The following NAALADL2 variants were observed in gnomAD, a reference collection of about 807,000 sequenced individuals.
NAALADL2 encodes N-acetylated alpha-linked acidic dipeptidase like 2.
A neutral mutation model predicts 87.2 loss-of-function variants in NAALADL2; 76 were observed. The observed-to-expected ratio is 0.87, with a 90% CI of 0.72 to 1.05. The LOEUF is 1.05. NAALADL2 is among the 50% of genes least tolerant of loss of function. NAALADL2 has a pLI of 0.00. For missense variants in NAALADL2, 1,089 were observed against 945.8 expected (o/e 1.15, Z -1.99); for synonymous variants, 354 against 331.0 (o/e 1.07, Z -0.75).
At chr3:174,560,346 C>G (rs1213438376) in intron 2 of NAALADL2, among the ~76,000 whole-genome samples, 2 of 152,128 alleles carry the variant, frequency 1.3e-5, no homozygotes, top group Non-Finnish European at 1.5e-5. Flanking sequence ...ACTTAATTCC[C>G]ATTGAACAGA....
At chr3:175,471,516 G>T in intron 8 of NAALADL2, 123 bp from the exon 9 acceptor site, 1 of 606,866 alleles carries the variant, frequency 1.6e-6, no homozygotes, top group Non-Finnish European at 2.8e-6. Flanking sequence ...AAAAAAAGAA[G>T]GTAATTATGC....
At chr3:174,859,701 C>G (rs966685975) in intron 1 of NAALADL2, among the ~76,000 whole-genome samples, 1 of 151,988 alleles carries the variant, frequency 6.6e-6, no homozygotes. Flanking sequence ...TTGGGGGACC[C>G]GTGGAGGGTA....
intron 3 of NAALADL2, among the ~76,000 whole-genome samples, chr3:175,253,903 G>A (rs1749489558): frequency 1.3e-5 from 2 of 152,172 alleles, no homozygotes; most frequent in Admixed American, 6.5e-5. Flanking sequence ...GATGAAACTT[G>A]AACGGATGAA....
chr3:175,002,230 G>C (rs368199129), intron 1 of NAALADL2, among the ~76,000 whole-genome samples: 3 of 152,054 alleles, frequency 2.0e-5, no homozygotes, highest in Non-Finnish European at 4.4e-5. Context: ...TACCCCTATG[G>C]GTAACAGTGT....
rs902728270 is a variant in NAALADL2 at position 174,768,546 on chromosome 3, C to T, written c.-9+30800C>T. On this transcript the variant is annotated intron_variant, in intron 3 of 3. Coordinates refer to the NAALADL2 transcript ENST00000434257. ...ACTCAAATGACATGCTAAGTTGTTG[C>T]AATTACAACTATTTACTTATTTGGA... 2.0e-5 allele frequency among the ~76,000 whole-genome samples: 3 copies of T among 152,182 alleles called. No homozygotes were observed. The Middle Eastern group carries it at 0.01, about 518-fold the overall frequency.
At chr3:175,241,473 G>A (rs577791426) in intron 3 of NAALADL2, among the ~76,000 whole-genome samples, 4 of 152,084 alleles carry the variant, frequency 2.6e-5, no homozygotes, top group South Asian at 2.1e-4. Flanking sequence ...CACCCACCTC[G>A]GCCTCCCAAA....
At chr3:175,646,455 G>A (rs1346554280) in intron 11 of NAALADL2, among the ~76,000 whole-genome samples, 1 of 151,848 alleles carries the variant, frequency 6.6e-6, no homozygotes, top group Non-Finnish European at 1.5e-5. Context: ...GATACAATTT[G>A]GGACAACACG....
At chr3:174,732,664 G>A (rs542991262) in intron 2 of NAALADL2, among the ~76,000 whole-genome samples, 29 of 152,018 alleles carry the variant, frequency 1.9e-4, no homozygotes, top group Non-Finnish European at 3.1e-4. Flanking sequence ...TTCAAGAAAT[G>A]TTTAATTAAA....
intron 11 of NAALADL2, among the ~76,000 whole-genome samples, chr3:175,714,375 C>T (rs1379160800): frequency 6.6e-6 from 1 of 152,176 alleles, no homozygotes; most frequent in Non-Finnish European, 1.5e-5. Context: ...TATTTCTCCA[C>T]ATCCTCTCCA....
rs566427856 is a variant in NAALADL2 at position 174,949,620 on chromosome 3, A to T, written c.43+90170A>T. On this transcript the variant is annotated intron_variant, in intron 1 of 13. Transcript: ENST00000454872. Reference sequence around the variant, plus strand: ...ATTTGGACCAGGACCAACATCACAAATGAGCCATACTATAAACACGGAACA... The same window carrying T: ...ATTTGGACCAGGACCAACATCACAATTGAGCCATACTATAAACACGGAACA... 3.9e-5 allele frequency among the ~76,000 whole-genome samples: 6 copies of T among 152,348 alleles called. No individual in the cohort carries two copies. The East Asian group carries it at 7.7e-4, about 20-fold the overall frequency.
At chr3:174,469,762 TG>T (rs1716785164) in intron 1 of NAALADL2, among the ~76,000 whole-genome samples, 1 of 152,126 alleles carries the variant, frequency 6.6e-6, no homozygotes, top group African/African-American at 2.4e-5. Flanking sequence ...AGCTCTCACC[TG>T]GTTTGTGTTA....
chr3:175,208,946 T>A (rs1037660457), intron 2 of NAALADL2, among the ~76,000 whole-genome samples: 1 of 152,308 alleles, frequency 6.6e-6, no homozygotes, highest in Non-Finnish European at 1.5e-5. Context: ...TAATTTGTAA[T>A]GTTGCTTTAT....
intron 1 of NAALADL2, among the ~76,000 whole-genome samples, chr3:174,538,405 C>G (rs1046127962): frequency 6.6e-6 from 1 of 152,068 alleles, no homozygotes; most frequent in African/African-American, 2.4e-5. Context: ...AAGCAGAGAA[C>G]TCGAGACTGA....
At chr3:175,385,850 A>G (rs568642296) in intron 5 of NAALADL2, among the ~76,000 whole-genome samples, 1 of 152,254 alleles carries the variant, frequency 6.6e-6, no homozygotes, top group Admixed American at 6.6e-5. Context: ...GGGGCATCAC[A>G]TACAAGAGAA....
At chr3:175,758,984 C>CA (rs1185284521) in intron 13 of NAALADL2, among the ~76,000 whole-genome samples, 10 of 151,678 alleles carry the variant, frequency 6.6e-5, no homozygotes, top group African/African-American at 2.4e-4. Context: ...GATCATGTCC[C>CA]AAAAAAATAT....
intron 9 of NAALADL2, among the ~76,000 whole-genome samples, chr3:175,565,732 G>A (rs1265354609): frequency 6.6e-6 from 1 of 151,634 alleles, no homozygotes; most frequent in Non-Finnish European, 1.5e-5. Context: ...TCCACTGTTA[G>A]GCATTTCTTC....
At chr3:175,715,671 T>C (rs1274905818) in intron 11 of NAALADL2, among the ~76,000 whole-genome samples, 1 of 151,918 alleles carries the variant, frequency 6.6e-6, no homozygotes, top group African/African-American at 2.4e-5. Context: ...AGGTGAGGTG[T>C]TCGAGACCAG....
chr3:175,670,530 ATTT>A (rs1232339508), intron 11 of NAALADL2, among the ~76,000 whole-genome samples: 29 of 133,760 alleles, frequency 2.2e-4, no homozygotes, highest in African/African-American at 3.9e-4. Context: ...TTAAATGTAA[ATTT>A]AATTATATTA....
At position 175,207,036 on chromosome 3, in the gene NAALADL2, T is replaced by G. The variant is rs553762796; in HGVS notation, c.546-26895T>G. Among the ~76,000 whole-genome samples the G allele has an allele frequency of 2.0e-5, 3 of 152,282 alleles. No homozygotes were observed. In the East Asian group the frequency reaches 5.8e-4, roughly 29 times the overall value. ...AAACACAAGTACACGTATAGGATTA[T>G]ATATGCATATTTATATATGCAAACG... On this transcript the variant is annotated intron_variant, in intron 2 of 13. Coordinates refer to ENST00000454872, the MANE Select transcript of NAALADL2 (RefSeq NM_207015.3).
Sources: gnomAD v4.1 joint callset for allele counts (sites outside exome capture counted in the v4.1 genomes callset) on GRCh38, gnomAD v4.1.1 for gene constraint, MANE v1.5 for transcripts, NCBI Gene and HGNC (gene_info 2026-07-23, HGNC 2026-07-21) for gene names.